The following PTGR1 variants were observed in gnomAD, a reference collection of about 807,000 sequenced individuals.
The protein encoded by PTGR1 is prostaglandin reductase 1.
A neutral mutation model predicts 37.7 loss-of-function variants in PTGR1; 23 were observed. The observed-to-expected ratio is 0.61, with a 90% CI of 0.44 to 0.86. The LOEUF is 0.86. PTGR1 is among the 40% of genes least tolerant of loss of function. The pLI, the probability that PTGR1 is intolerant of heterozygous loss-of-function variation, is 0.00. For missense variants in PTGR1, 351 were observed against 394.3 expected (o/e 0.89, Z 0.93); for synonymous variants, 134 against 140.0 (o/e 0.96, Z 0.30).
chr9:111,595,975 C>A (rs1829768418), intron 2 of PTGR1, among the ~76,000 whole-genome samples: 2 of 152,146 alleles, frequency 1.3e-5, no homozygotes, highest in Non-Finnish European at 2.9e-5. Flanking sequence ...AGCTACTGGG[C>A]AGTGCTTACC....
At chr9:111,574,604 T>TA (rs35972893) in intron 8 of PTGR1, 130 bp downstream of exon 8, 51,060 of 488,586 alleles carry the variant, frequency 0.1, 852 homozygotes, top group East Asian at 0.22. Context: ...GACTCTGTCT[T>TA]AAAAAAAAAA....
chr9:111,564,277 TTTATTATTATTATTATTATTA>T (rs3031175), intron 9 of PTGR1: 1 of 485,730 alleles, frequency 2.1e-6, no homozygotes, highest in Admixed American at 6.1e-5. Flanking sequence ...AATTTAAACT[TTTATTATTATTATTATTATTA>T]TTATTATTAT....
intron 2 of PTGR1, among the ~76,000 whole-genome samples, chr9:111,596,615 G>T (rs11790398): frequency 6.6e-6 from 1 of 150,454 alleles, no homozygotes; most frequent in East Asian, 2.0e-4. Context: ...AAAAAAATTA[G>T]CCGGGCGTGT....
downstream of PTGR1, among the ~76,000 whole-genome samples, chr9:111,559,177 C>T (rs376329298): frequency 2.9e-4 from 44 of 152,226 alleles, no homozygotes; most frequent in South Asian, 8.3e-3. Flanking sequence ...ACCGCCCATA[C>T]CAGGTCACTC....
At position 111,583,452 on chromosome 9, in the gene PTGR1, T is replaced by A. The variant is rs534936174; in HGVS notation, c.495+20A>T. On this transcript the variant is annotated intron_variant, in intron 6 of 9. Transcript: ENST00000407693. ...CAATGGGTTTTGAATAAAGGCTTGT[T>A]ACTGGAGAAAGGCACTTACCTTGAG... The A allele has an allele frequency of 1.3e-6, 2 of 1,556,636 alleles. No homozygotes were observed. The highest frequency in any genetic ancestry group is 2.7e-5 in the African/African-American group (2 of 73,708).
rs780942105 is a variant in PTGR1 at position 111,583,516 on chromosome 9, C to T, written c.451G>A (p.Ala151Thr). The change falls in exon 6 of 10, where the codon GCT becomes ACT. Residue 151 changes from alanine to threonine, a missense_variant. By Grantham distance (58) the Ala-to-Thr change is moderately conservative (BLOSUM62 0). Transcript: ENST00000407693. The part of the protein sequence containing the change: ...GGETVMVNAA[A>T]GAVGSVVGQI... Reference sequence around the variant, plus strand: ...CCCACGACTGAGCCCACAGCTCCAGCTGCTGCATTAACCATCACTGTTTCT... The same window carrying T: ...CCCACGACTGAGCCCACAGCTCCAGTTGCTGCATTAACCATCACTGTTTCT... The T allele has an allele frequency of 2.5e-6, 4 of 1,614,038 alleles. No individual in the cohort carries two copies. In the African/African-American group the frequency reaches 5.3e-5, roughly 22 times the overall value.
chr9:111,594,105 G>T, intron 3 of PTGR1, 117 bp downstream of exon 3: 1 of 1,093,502 alleles, frequency 9.1e-7, no homozygotes, highest in African/African-American at 1.6e-5. Flanking sequence ...ATACTGGCTG[G>T]GAGAAACAGA....
At chr9:111,584,538 AGTT>A (rs1047365432) in intron 5 of PTGR1, among the ~76,000 whole-genome samples, 92 of 151,890 alleles carry the variant, frequency 6.1e-4, no homozygotes, top group African/African-American at 1.9e-3. Context: ...GGTACATAGG[AGTT>A]GTTTTTGTTT....
chr9:111,552,856 G>A (rs968116771), intron 9 of PTGR1, among the ~76,000 whole-genome samples: 1 of 152,102 alleles, frequency 6.6e-6, no homozygotes, highest in African/African-American at 2.4e-5. Flanking sequence ...GAGCAAAATT[G>A]TTTAATGGTT....
At chr9:111,588,105 C>T (rs1201799387) in intron 4 of PTGR1, among the ~76,000 whole-genome samples, 8 of 151,594 alleles carry the variant, frequency 5.3e-5, no homozygotes, top group Admixed American at 5.3e-4. Context: ...CCTCAACCTC[C>T]CCTGAGCTCA....
At position 111,586,803 on chromosome 9, in the gene PTGR1, C is replaced by CTATA. The variant is rs1170334255; in HGVS notation, c.210-642_210-639dup. Among the ~76,000 whole-genome samples the CTATA allele has an allele frequency of 7.1e-3, 1,025 of 143,716 alleles. 5 individuals carry two copies. The highest frequency in any genetic ancestry group is 0.018 in the Middle Eastern group (5 of 284). The allele number at this position is 143,716 out of a possible 152,430, so 94.3% of individuals were successfully genotyped here. A position where few individuals can be genotyped will look rare whatever the true frequency, so the allele number is the denominator to read the frequency against. On this transcript the variant is annotated intron_variant, in intron 4 of 9. Coordinates refer to ENST00000407693, the MANE Select transcript of PTGR1 (RefSeq NM_001146108.2). ...TTCCACTCTCTCTCTCTCTCTCTCT[C>CTATA]TATATATATATATATATGCATACTT...
chr9:111,595,422 G>A (rs984104638), intron 2 of PTGR1, among the ~76,000 whole-genome samples: 1 of 152,112 alleles, frequency 6.6e-6, no homozygotes, highest in African/African-American at 2.4e-5. Context: ...ATGTTACAGT[G>A]CTCACCATAT....
At chr9:111,592,765 G>C in intron 4 of PTGR1, 161 bp downstream of exon 4, 2 of 973,500 alleles carry the variant, frequency 2.1e-6, no homozygotes, top group Non-Finnish European at 2.9e-6. Context: ...TTTCCAGCTA[G>C]TTAGGAAGGA....
Position 111,563,126 on chromosome 9 carries a change from C to T in PTGR1, c.985G>A (p.Ala329Thr). The T allele has an allele frequency of 2.5e-6, 4 of 1,612,362 alleles. No homozygotes were observed. The highest frequency in any genetic ancestry group is 3.4e-6 in the Non-Finnish European group (4 of 1,179,610). Residue 329 changes from alanine to threonine, a missense_variant, in exon 10 of 10, where the codon GCA (alanine) becomes ACA (threonine). By Grantham distance (58) the Ala-to-Thr change is moderately conservative. Transcript: ENST00000407693. Reference sequence around the variant, plus strand: ...GATTCCATGTGTCCTCTTTTTCATGCTTTCACTATTGTCTTCCCCAAATTA... The same window carrying T: ...GATTCCATGTGTCCTCTTTTTCATGTTTTCACTATTGTCTTCCCCAAATTA... ...GDNLGKTIVKA is the reference protein window; with the variant it reads ...GDNLGKTIVKT
intron 5 of PTGR1, among the ~76,000 whole-genome samples, chr9:111,584,003 A>G (rs1026286579): frequency 2.6e-5 from 4 of 152,200 alleles, no homozygotes; most frequent in African/African-American, 9.6e-5. Context: ...GAGTAGCTAC[A>G]ATGCTGTGAT....
At chr9:111,553,909 G>A (rs1424355013) in intron 9 of PTGR1, among the ~76,000 whole-genome samples, 1 of 152,160 alleles carries the variant, frequency 6.6e-6, no homozygotes, top group African/African-American at 2.4e-5. Flanking sequence ...GGTCTTTCCA[G>A]CATTTTGTTG....
intron 7 of PTGR1, among the ~76,000 whole-genome samples, chr9:111,578,500 A>G (rs138208149): frequency 2.4e-3 from 361 of 152,320 alleles, no homozygotes; most frequent in African/African-American, 8.4e-3. Flanking sequence ...TCCATAAGGA[A>G]CGCACAACCT....
At chr9:111,580,690 G>A (rs1220136422) in intron 6 of PTGR1, among the ~76,000 whole-genome samples, 1 of 151,802 alleles carries the variant, frequency 6.6e-6, no homozygotes, top group Admixed American at 6.6e-5. Context: ...GGGAGGCAGA[G>A]GTTGCGGTGA....
rs1265341773 is a variant in PTGR1, at chr9:111,586,781, C to T, written c.210-616G>A. On this transcript the variant is annotated intron_variant, in intron 4 of 9. Transcript: ENST00000407693. Reference sequence around the variant, plus strand: ...TAATCATTGTCTGATTTTACTTTTCCACTCTCTCTCTCTCTCTCTCTCTAT... The same window carrying T: ...TAATCATTGTCTGATTTTACTTTTCTACTCTCTCTCTCTCTCTCTCTCTAT... Among the ~76,000 whole-genome samples, 100 of 135,272 alleles carry T rather than the reference C, an allele frequency of 7.4e-4. 1 individual carries two copies. The highest frequency in any genetic ancestry group is 3.2e-5 in the Non-Finnish European group (2 of 61,618). The allele number at this position is 135,272 out of a possible 152,430, so 88.7% of individuals were successfully genotyped here. A position where few individuals can be genotyped will look rare whatever the true frequency, so the allele number is the denominator to read the frequency against.
Sources: gnomAD v4.1 joint callset for allele counts (sites outside exome capture counted in the v4.1 genomes callset) on GRCh38, gnomAD v4.1.1 for gene constraint, MANE v1.5 for transcripts, NCBI Gene and HGNC (gene_info 2026-07-23, HGNC 2026-07-21) for gene names.